CNTN4: variants seen among roughly 807,000 people sequenced by gnomAD.
CNTN4 encodes the protein contactin-4.
Under a neutral mutation model 122.5 loss-of-function variants are expected in CNTN4, and 77 were observed. That is an observed-to-expected ratio of 0.63 (90% CI 0.52 to 0.76). The LOEUF (loss-of-function observed/expected upper bound fraction) is 0.76. CNTN4 is among the 30% of genes least tolerant of loss of function. CNTN4 has a pLI of 0.00. For synonymous variants in CNTN4, 512 were observed against 447.0 expected (o/e 1.15, Z -1.83); for missense variants, 1,256 against 1,259.1 (o/e 1.00, Z 0.04).
chr3:2,518,568 A>T (rs2077106312), intron 3 of CNTN4, among the ~76,000 whole-genome samples: 1 of 152,166 alleles, frequency 6.6e-6, no homozygotes, highest in Admixed American at 6.6e-5. Context: ...CAAGGTATGA[A>T]ATAAATACCT....
chr3:2,854,818 C>T (rs1325278047), intron 7 of CNTN4, among the ~76,000 whole-genome samples: 1 of 152,166 alleles, frequency 6.6e-6, no homozygotes, highest in African/African-American at 2.4e-5. Context: ...GTTAAACTGA[C>T]ATTTTCCACC....
chr3:2,174,578 A>C (rs559957060), intron 2 of CNTN4, among the ~76,000 whole-genome samples: 17 of 152,254 alleles, frequency 1.1e-4, no homozygotes, highest in South Asian at 2.1e-4. Context: ...CACCCTCATG[A>C]TCTAATCATC....
chr3:2,603,365 A>C (rs1269498860), intron 4 of CNTN4, among the ~76,000 whole-genome samples: 1 of 152,206 alleles, frequency 6.6e-6, no homozygotes, highest in African/African-American at 2.4e-5. Context: ...AAATCATTAG[A>C]AATTGTCAGT....
intron 5 of CNTN4, among the ~76,000 whole-genome samples, chr3:2,744,073 C>T (rs2089620027): frequency 6.6e-6 from 1 of 152,078 alleles, no homozygotes; most frequent in Non-Finnish European, 1.5e-5. Context: ...CTTCAGCCTC[C>T]CGAAGTGCCG....
At chr3:2,503,083 T>G (rs1254944045) in intron 3 of CNTN4, among the ~76,000 whole-genome samples, 1 of 152,172 alleles carries the variant, frequency 6.6e-6, no homozygotes, top group Non-Finnish European at 1.5e-5. Flanking sequence ...TGTCATAGTC[T>G]AATAGAAGAA....
intron 6 of CNTN4, among the ~76,000 whole-genome samples, chr3:2,748,616 T>A (rs555016252): frequency 6.2e-4 from 94 of 152,324 alleles, no homozygotes; most frequent in Non-Finnish European, 1.1e-3. Context: ...AGCTACAAAT[T>A]TAGCCAAATA....
chr3:2,387,730 T>C (rs2046301976), intron 3 of CNTN4, among the ~76,000 whole-genome samples: 1 of 152,256 alleles, frequency 6.6e-6, no homozygotes, highest in African/African-American at 2.4e-5. Flanking sequence ...TTTATTTTGC[T>C]GTTTTTCCTG....
rs1303610334 is a variant in CNTN4 at position 2,776,015 on chromosome 3, C to T, written c.358+30318C>T. Among the ~76,000 whole-genome samples, 4 of 152,154 alleles carry T rather than the reference C, an allele frequency of 2.6e-5. No individual in the cohort carries two copies. In the East Asian group the frequency reaches 7.7e-4, roughly 29 times the overall value. On this transcript the variant is annotated intron_variant, in intron 6 of 24. Transcript: ENST00000418658. ...CTTTGCATTTTATACATACTTATGT[C>T]ATAGCATATTTATTGCATGTGTCAA...
chr3:2,837,042 T>C (rs561091407), intron 7 of CNTN4, among the ~76,000 whole-genome samples: 1 of 152,356 alleles, frequency 6.6e-6, no homozygotes, highest in South Asian at 2.1e-4. Context: ...AGGTTCATTA[T>C]ACCATGATTT....
chr3:2,735,821 GA>G, intron 4 of CNTN4: 1 of 384,672 alleles, frequency 2.6e-6, no homozygotes, highest in Non-Finnish European at 5.1e-6. Flanking sequence ...TTACAGCACA[GA>G]AAAAAATGTT....
chr3:2,730,573 A>G (rs2149456081), intron 4 of CNTN4, among the ~76,000 whole-genome samples: 1 of 152,342 alleles, frequency 6.6e-6, no homozygotes, highest in South Asian at 2.1e-4. Context: ...CCCTGTAAAA[A>G]TAAAAATAAA....
intron 2 of CNTN4, among the ~76,000 whole-genome samples, chr3:2,133,814 T>C (rs1006660021): frequency 6.6e-6 from 1 of 152,226 alleles, no homozygotes; most frequent in Non-Finnish European, 1.5e-5. Context: ...TTTTCCTTTT[T>C]CTAATTTATC....
At chr3:2,489,090 A>G (rs1025621659) in intron 3 of CNTN4, among the ~76,000 whole-genome samples, 9 of 152,174 alleles carry the variant, frequency 5.9e-5, no homozygotes, top group Non-Finnish European at 2.9e-5. Flanking sequence ...TAATGTTGAA[A>G]TATTTTCCAC....
At chr3:3,011,166 G>A (rs1233501890) in intron 14 of CNTN4, among the ~76,000 whole-genome samples, 1 of 152,106 alleles carries the variant, frequency 6.6e-6, no homozygotes, top group Non-Finnish European at 1.5e-5. Flanking sequence ...GGGAAGAAAA[G>A]GTTTAAAAAG....
intron 13 of CNTN4, among the ~76,000 whole-genome samples, chr3:2,981,452 A>C (rs1028376516): frequency 6.6e-6 from 1 of 152,074 alleles, no homozygotes; most frequent in African/African-American, 2.4e-5. Context: ...TCAAAAAACA[A>C]AAAAAGGAAA....
intron 22 of CNTN4, 31 bp from the exon 23 acceptor site, chr3:3,043,561 T>C (rs752816080): frequency 1.3e-6 from 2 of 1,495,974 alleles, no homozygotes; most frequent in Admixed American, 3.3e-5. Flanking sequence ...CTTAATAATC[T>C]GTGACTTCGT....
chr3:2,698,178 C>T (rs2086153915), intron 4 of CNTN4, among the ~76,000 whole-genome samples: 1 of 152,146 alleles, frequency 6.6e-6, no homozygotes, highest in Non-Finnish European at 1.5e-5. Flanking sequence ...GTCAAGAGAA[C>T]ATACTATTTC....
intron 3 of CNTN4, among the ~76,000 whole-genome samples, chr3:2,569,675 G>T (rs2079333623): frequency 6.6e-6 from 1 of 151,940 alleles, no homozygotes; most frequent in South Asian, 2.1e-4. Context: ...TCAAAGAGAG[G>T]CTAGGTGGAG....
rs139525244 is a variant in CNTN4 at position 2,285,816 on chromosome 3, T to C, written c.-144-53362T>C. 8.1e-3 allele frequency among the ~76,000 whole-genome samples: 1,228 copies of C among 152,282 alleles called. 18 individuals are homozygous for C. The highest frequency in any genetic ancestry group is 0.028 in the African/African-American group (1,163 of 41,560). On this transcript the variant is annotated intron_variant, in intron 2 of 24. Transcript: ENST00000418658. Reference sequence around the variant, plus strand: ...ATTTCTCACACTGTTTTATGGCCTGTATTTCACACTTGGTTTTATAATATG... The same window carrying C: ...ATTTCTCACACTGTTTTATGGCCTGCATTTCACACTTGGTTTTATAATATG...
Sources: gnomAD v4.1 joint callset for allele counts (sites outside exome capture counted in the v4.1 genomes callset) on GRCh38, gnomAD v4.1.1 for gene constraint, MANE v1.5 for transcripts, NCBI Gene and HGNC (gene_info 2026-07-23, HGNC 2026-07-21) for gene names.